The following MAGI2 variants were observed in gnomAD, a reference collection of about 807,000 sequenced individuals.
MAGI2 encodes membrane associated guanylate kinase, WW and PDZ domain containing 2, also known as membrane-associated guanylate kinase, WW and PDZ domain-containing protein 2.
MAGI2 carries 35 observed loss-of-function variants against 133.3 expected under a neutral mutation model. That is an observed-to-expected ratio of 0.26 (90% CI 0.20 to 0.35). MAGI2 has a LOEUF of 0.35. MAGI2 is among the 10% of genes least tolerant of loss of function. MAGI2 has a pLI of 1.00. For missense variants in MAGI2, 1,636 were observed against 1,863.4 expected, an observed-to-expected ratio of 0.88 and a Z score of 2.25; for synonymous variants, 729 against 710.6, an observed-to-expected ratio of 1.03 and a Z score of -0.41.
At chr7:79,325,166 T>A (rs1839593358) in intron 1 of MAGI2, among the ~76,000 whole-genome samples, 1 of 152,150 alleles carries the variant, frequency 6.6e-6, no homozygotes, top group Non-Finnish European at 1.5e-5. Flanking sequence ...AGCAGGATGC[T>A]GTCCATCCAA....
intron 1 of MAGI2, among the ~76,000 whole-genome samples, chr7:79,327,202 T>C (rs1396247605): frequency 6.6e-6 from 1 of 152,116 alleles, no homozygotes; most frequent in Non-Finnish European, 1.5e-5. Flanking sequence ...CAAAAGATAG[T>C]AATGACGATT....
chr7:79,007,497 T>A (rs1398460320), intron 1 of MAGI2, among the ~76,000 whole-genome samples: 2 of 152,164 alleles, frequency 1.3e-5, no homozygotes, highest in Non-Finnish European at 2.9e-5. Context: ...TGAATCATAC[T>A]GAAATATTAT....
At chr7:78,665,874 C>G (rs1813510336) in intron 2 of MAGI2, among the ~76,000 whole-genome samples, 1 of 151,988 alleles carries the variant, frequency 6.6e-6, no homozygotes, top group Non-Finnish European at 1.5e-5. Flanking sequence ...GATAATGAAT[C>G]AGAGATATAG....
At chr7:79,160,310 T>G (rs1824228781) in intron 1 of MAGI2, among the ~76,000 whole-genome samples, 1 of 152,116 alleles carries the variant, frequency 6.6e-6, no homozygotes, top group African/African-American at 2.4e-5. Context: ...GAAAAAATCA[T>G]ACAGATAAAA....
At position 78,104,224 on chromosome 7, in the gene MAGI2, G is replaced by T. The variant is rs556169683; in HGVS notation, c.3567+21470C>A. ...GAACTTCTGAAAAGGACAGGATGGG[G>T]AGAGGGGCTGTTCAACAAGATGGAG... On this transcript the variant is annotated intron_variant, in intron 20 of 21. Transcript: ENST00000354212. Among the ~76,000 whole-genome samples, 8 of 152,240 alleles carry T rather than the reference G, an allele frequency of 5.3e-5. No homozygotes were observed. In the South Asian group the frequency reaches 1.7e-3, roughly 32 times the overall value.
chr7:78,654,436 C>G (rs1465633078), intron 2 of MAGI2, among the ~76,000 whole-genome samples: 1 of 151,948 alleles, frequency 6.6e-6, no homozygotes, highest in African/African-American at 2.4e-5. Context: ...AAGATGCTCT[C>G]TATAATTACA....
In MAGI2 at chr7:78,499,055, A is replaced by AAACAACAACAAC. The variant is rs147914906; in HGVS notation, c.965+2510_965+2521dup. ...AGGAAGATTAAAAAACTACAAACTC[A>AAACAACAACAAC]AACAACAACAACAACAACAACAACA... On this transcript the variant is annotated intron_variant, in intron 5 of 21. Transcript: ENST00000354212. Among the ~76,000 whole-genome samples, 785 of 150,476 alleles carry AAACAACAACAAC rather than the reference A, an allele frequency of 5.2e-3. 1 individual carries two copies. The highest frequency in any genetic ancestry group is 0.015 in the African/African-American group (634 of 41,144).
intron 2 of MAGI2, among the ~76,000 whole-genome samples, chr7:78,920,322 A>T (rs181127416): frequency 2.0e-5 from 3 of 152,286 alleles, no homozygotes; most frequent in Admixed American, 2.0e-4. Context: ...TTAGGATTAA[A>T]TCAATTAACA....
chr7:79,104,431 G>A (rs557079348), intron 1 of MAGI2, among the ~76,000 whole-genome samples: 212 of 152,272 alleles, frequency 1.4e-3, no homozygotes, highest in African/African-American at 4.7e-3. Flanking sequence ...CACTTTGGGA[G>A]GCAAACGCAG....
intron 1 of MAGI2, among the ~76,000 whole-genome samples, chr7:79,158,877 A>G: frequency 6.6e-6 from 1 of 152,052 alleles, no homozygotes; most frequent in East Asian, 1.9e-4. Context: ...GTATCTAGAT[A>G]ATTTCCAATT....
chr7:79,358,022 C>A (rs1842139529), intron 1 of MAGI2, among the ~76,000 whole-genome samples: 1 of 151,764 alleles, frequency 6.6e-6, no homozygotes, highest in Admixed American at 6.6e-5. Flanking sequence ...AATAGGTGAG[C>A]CTTGAAACCC....
At chr7:79,433,323 G>C (rs959247067) in intron 1 of MAGI2, among the ~76,000 whole-genome samples, 1 of 151,994 alleles carries the variant, frequency 6.6e-6, no homozygotes, top group Non-Finnish European at 1.5e-5. Context: ...AGGCCGAGGC[G>C]GATGGATCAT....
chr7:79,019,558 T>C (rs1160802680), intron 1 of MAGI2, among the ~76,000 whole-genome samples: 7 of 152,080 alleles, frequency 4.6e-5, no homozygotes. Context: ...TTTCTTTCTT[T>C]TTTTTTGAGA....
chr7:78,934,323 C>T (rs972752172), intron 2 of MAGI2, among the ~76,000 whole-genome samples: 159 of 152,072 alleles, frequency 1.0e-3, no homozygotes, highest in African/African-American at 3.5e-3. Context: ...AGGCTGGGCT[C>T]AAACTGCTGA....
At chr7:79,172,301 C>T (rs905127654) in intron 1 of MAGI2, among the ~76,000 whole-genome samples, 4 of 151,948 alleles carry the variant, frequency 2.6e-5, no homozygotes, top group African/African-American at 7.3e-5. Flanking sequence ...GATTTTGGAA[C>T]ATTATAGATG....
intron 1 of MAGI2, among the ~76,000 whole-genome samples, chr7:79,365,983 C>T (rs1842684456): frequency 6.6e-6 from 1 of 150,684 alleles, no homozygotes; most frequent in Non-Finnish European, 1.5e-5. Flanking sequence ...TGGCTCAGGC[C>T]TTAATCTCAG....
intron 2 of MAGI2, among the ~76,000 whole-genome samples, chr7:78,735,294 A>G (rs916441358): frequency 6.6e-6 from 1 of 152,196 alleles, no homozygotes; most frequent in Non-Finnish European, 1.5e-5. Context: ...ATGGCCTCAC[A>G]TACAGACAAC....
At chr7:78,049,664 T>G (rs3779328) in intron 21 of MAGI2, among the ~76,000 whole-genome samples, 6,439 of 152,276 alleles carry the variant, frequency 0.042, 179 homozygotes, top group East Asian at 0.077. Flanking sequence ...TAGTTGTGTA[T>G]GTGGGTGGTG....
At chr7:78,794,175 A>C (rs1281609037) in intron 2 of MAGI2, among the ~76,000 whole-genome samples, 1 of 152,186 alleles carries the variant, frequency 6.6e-6, no homozygotes, top group Non-Finnish European at 1.5e-5. Flanking sequence ...CAACTGACTA[A>C]GAACTGGGAC....
Sources: gnomAD v4.1 joint callset for allele counts (sites outside exome capture counted in the v4.1 genomes callset) on GRCh38, gnomAD v4.1.1 for gene constraint, MANE v1.5 for transcripts, NCBI Gene and HGNC (gene_info 2026-07-23, HGNC 2026-07-21) for gene names.